Variants in CNTN5 observed in about 807,000 individuals in gnomAD.
CNTN5 encodes contactin-5.
In CNTN5, 77 loss-of-function variants were observed where a neutral mutation model predicts 129.1. That is an observed-to-expected ratio of 0.60 (90% CI 0.50 to 0.72). The LOEUF (loss-of-function observed/expected upper bound fraction) is 0.72, where lower values mean the gene tolerates loss of function less well. Among genes scored for constraint, CNTN5 ranks in the 30% least tolerant of loss-of-function variants. The pLI is 0.00. For missense variants in CNTN5, 1,478 were observed against 1,328.8 expected, an observed-to-expected ratio of 1.11 and a Z score of -1.75; for synonymous variants, 509 against 465.6, an observed-to-expected ratio of 1.09 and a Z score of -1.20.
intron 13 of CNTN5, among the ~76,000 whole-genome samples, chr11:100,134,312 T>C (rs1232144770): frequency 6.6e-6 from 1 of 152,152 alleles, no homozygotes; most frequent in Non-Finnish European, 1.5e-5. Flanking sequence ...CTTATTTTCT[T>C]CTATGTTCCC....
At chr11:99,205,828 GA>G (rs11312004) in intron 1 of CNTN5, among the ~76,000 whole-genome samples, 25,871 of 151,600 alleles carry the variant, frequency 0.17, 2,906 homozygotes, top group East Asian at 0.34. Flanking sequence ...CAATAAAGCT[GA>G]AAAAAAATAA....
At chr11:99,230,621 T>C (rs1318788631) in intron 1 of CNTN5, among the ~76,000 whole-genome samples, 1 of 152,160 alleles carries the variant, frequency 6.6e-6, no homozygotes, top group Non-Finnish European at 1.5e-5. Flanking sequence ...CAATAGCCTA[T>C]CAGTGTGTAA....
At chr11:99,883,849 A>T (rs1431692073) in intron 6 of CNTN5, among the ~76,000 whole-genome samples, 1 of 152,210 alleles carries the variant, frequency 6.6e-6, no homozygotes, top group Non-Finnish European at 1.5e-5. Context: ...TATGTTAATC[A>T]AAAACAAAGC....
At position 99,079,213 on chromosome 11, in the gene CNTN5, TAGA is replaced by T. The variant is rs561109024; in HGVS notation, c.-210+57947_-210+57949del. ...TAATTAGTTAGAGGAAAACAGAACT[TAGA>T]AGAGGCAGATATGAAAGACAGGATT... On this transcript the variant is annotated intron_variant, in intron 1 of 24. Transcript: ENST00000524871. Among the ~76,000 whole-genome samples the T allele has an allele frequency of 1.1e-3, 172 of 152,224 alleles. 1 individual carries two copies. The highest frequency in any genetic ancestry group is 3.9e-3 in the African/African-American group (163 of 41,522).
intron 3 of CNTN5, among the ~76,000 whole-genome samples, chr11:99,606,508 A>C (rs1296368947): frequency 7.0e-6 from 1 of 143,750 alleles, no homozygotes; most frequent in Non-Finnish European, 1.5e-5. Context: ...ATATCGTGAA[A>C]ATGGCCATAC....
At chr11:99,547,930 A>G (rs146891356) in intron 2 of CNTN5, among the ~76,000 whole-genome samples, 73 of 152,270 alleles carry the variant, frequency 4.8e-4, no homozygotes, top group African/African-American at 1.7e-3. Flanking sequence ...AATTTGCTTA[A>G]CCTTTCTGTG....
At chr11:100,264,533 C>A (rs911787542) in intron 17 of CNTN5, among the ~76,000 whole-genome samples, 1 of 152,152 alleles carries the variant, frequency 6.6e-6, no homozygotes, top group African/African-American at 2.4e-5. Context: ...CTTCCAGTTT[C>A]ATCCACGTCC....
chr11:100,076,026 T>C (rs1454512799), intron 13 of CNTN5, among the ~76,000 whole-genome samples: 1 of 152,052 alleles, frequency 6.6e-6, no homozygotes, highest in Non-Finnish European at 1.5e-5. Context: ...AAATGACAAA[T>C]TGTGAGATCA....
intron 1 of CNTN5, among the ~76,000 whole-genome samples, chr11:99,160,257 A>G (rs1238253471): frequency 6.6e-6 from 1 of 152,188 alleles, no homozygotes; most frequent in East Asian, 1.9e-4. Context: ...TAATTTGGGA[A>G]ATATATAGTT....
rs1379150398 is a variant in CNTN5 at position 100,022,279 on chromosome 11, C to T, written c.980+20143C>T. 3.9e-5 allele frequency among the ~76,000 whole-genome samples: 6 copies of T among 152,172 alleles called. No individual in the cohort carries two copies. The South Asian group carries it at 8.3e-4, about 21-fold the overall frequency. ...ATATTTAAAATAGATTTCTTTTAGG[C>T]AGTATGTAGTTGGGTCTTACTTTTT... On this transcript the variant is annotated intron_variant, in intron 9 of 24. Transcript: ENST00000524871.
chr11:100,267,253 C>CCACACACACACACACACACA (rs113458728), intron 17 of CNTN5, among the ~76,000 whole-genome samples: 66 of 143,844 alleles, frequency 4.6e-4, no homozygotes, highest in South Asian at 1.4e-3. Context: ...CATGAATCAA[C>CCACACACACACACACACACA]CACACACACA....
chr11:99,752,882 G>A lies in CNTN5; in HGVS notation c.56-66662G>A, dbSNP rs546866126. On this transcript the variant is annotated intron_variant, in intron 3 of 24. Coordinates refer to ENST00000524871, the MANE Select transcript of CNTN5 (RefSeq NM_014361.4). ...CAGTTTCAGTAAGAGTGCAGCATGA[G>A]GTCACAGGAAGAATAGAATATACAA... Among the ~76,000 whole-genome samples the A allele has an allele frequency of 2.0e-5, 3 of 152,186 alleles. No homozygotes were observed. The South Asian group carries it at 6.2e-4, about 32-fold the overall frequency.
intron 6 of CNTN5, among the ~76,000 whole-genome samples, chr11:99,856,219 A>G (rs1948029140): frequency 6.6e-6 from 1 of 152,178 alleles, no homozygotes; most frequent in Non-Finnish European, 1.5e-5. Flanking sequence ...CTAGGGCTAC[A>G]GCTGGAATTT....
chr11:100,136,484 G>A (rs1015940917), intron 13 of CNTN5, among the ~76,000 whole-genome samples: 9 of 151,802 alleles, frequency 5.9e-5, no homozygotes, highest in Non-Finnish European at 7.4e-5. Context: ...TTCAATTCTG[G>A]AGGAAAAAAT....
chr11:99,268,834 G>A (rs1468117362), intron 1 of CNTN5, among the ~76,000 whole-genome samples: 2 of 151,910 alleles, frequency 1.3e-5, no homozygotes, highest in East Asian at 3.9e-4. Flanking sequence ...GTTTAGAAAG[G>A]CCATGGTATT....
intron 2 of CNTN5, among the ~76,000 whole-genome samples, chr11:99,517,483 G>T (rs915361466): frequency 6.6e-6 from 1 of 151,928 alleles, no homozygotes; most frequent in Non-Finnish European, 1.5e-5. Context: ...CCACAATCTG[G>T]TCCCTGCTCA....
At chr11:99,138,076 A>G (rs917454638) in intron 1 of CNTN5, among the ~76,000 whole-genome samples, 18 of 152,212 alleles carry the variant, frequency 1.2e-4, no homozygotes, top group African/African-American at 3.9e-4. Flanking sequence ...CTTTTGAAAT[A>G]TAATTTATTT....
At chr11:99,977,116 A>T (rs1306456241) in intron 8 of CNTN5, among the ~76,000 whole-genome samples, 1 of 152,338 alleles carries the variant, frequency 6.6e-6, no homozygotes, top group African/African-American at 2.4e-5. Context: ...ACAGATATCT[A>T]GGTCAGAGGC....
At chr11:99,961,284 C>A (rs565989721) in intron 8 of CNTN5, among the ~76,000 whole-genome samples, 5 of 150,566 alleles carry the variant, frequency 3.3e-5, no homozygotes, top group African/African-American at 1.2e-4. Flanking sequence ...AAGAAGTGGG[C>A]ATGTAGTTAA....
Sources: allele counts gnomAD v4.1 joint callset (sites outside exome capture counted in the v4.1 genomes callset), GRCh38; gene constraint gnomAD v4.1.1; transcripts MANE v1.5; gene names NCBI Gene and HGNC (gene_info 2026-07-23, HGNC 2026-07-21).